Variants in ERC1 observed in about 807,000 individuals in gnomAD.
The protein encoded by ERC1 is ELKS/RAB6-interacting/CAST family member 1, also known as RAB6 interacting protein 2.
ERC1 carries 56 observed loss-of-function variants against 132.0 expected under a neutral mutation model. The observed-to-expected ratio is 0.42, with a 90% CI of 0.34 to 0.53. The LOEUF (loss-of-function observed/expected upper bound fraction) is 0.53, where lower values mean the gene tolerates loss of function less well. ERC1 is among the 20% of genes least tolerant of loss of function. The pLI, the probability that ERC1 is intolerant of heterozygous loss-of-function variation, is 0.03. For synonymous variants in ERC1, 478 were observed against 476.1 expected, an observed-to-expected ratio of 1.00 and a Z score of -0.05; for missense variants, 1,202 against 1,349.9, an observed-to-expected ratio of 0.89 and a Z score of 1.72.
chr12:1,388,473 C>T (rs1400222660), intron 16 of ERC1, among the ~76,000 whole-genome samples: 1 of 151,898 alleles, frequency 6.6e-6, no homozygotes, highest in East Asian at 1.9e-4. Flanking sequence ...CCATAGAAGG[C>T]TTCTTATTAC....
chr12:1,289,680 A>T (rs1312493657), intron 14 of ERC1, among the ~76,000 whole-genome samples, 172 bp from the exon 15 acceptor site: 1 of 152,180 alleles, frequency 6.6e-6, no homozygotes, highest in Non-Finnish European at 1.5e-5. Flanking sequence ...ATTATCTGCT[A>T]TATTGATTCT....
rs376601288 is a variant in ERC1, at chr12:1,494,190, T to A, written c.*3960T>A. The A allele has an allele frequency of 8.6e-6, 2 of 232,152 alleles. No homozygotes were observed. The highest frequency in any genetic ancestry group is 4.4e-5 in the African/African-American group (2 of 45,250). 14.4% of individuals were successfully genotyped at this position (232,152 alleles called of 1,614,324 possible). On this transcript the variant is annotated 3_prime_UTR_variant, in exon 19 of 19. Coordinates refer to ENST00000360905, the MANE Select transcript of ERC1 (RefSeq NM_178040.4). ...AGTAATTTAACATCTGCTCCTGGCCTCCTCTTCACCTGCCTGGGTTCGGAA... is the reference window on the plus strand; with the variant it reads ...AGTAATTTAACATCTGCTCCTGGCCACCTCTTCACCTGCCTGGGTTCGGAA...
intron 15 of ERC1, among the ~76,000 whole-genome samples, chr12:1,336,018 C>G (rs965407301): frequency 6.6e-6 from 1 of 152,064 alleles, no homozygotes; most frequent in African/African-American, 2.4e-5. Flanking sequence ...AGGAATTTAT[C>G]CCTTTCTTCT....
chr12:1,304,070 T>C (rs2080643759), intron 15 of ERC1, among the ~76,000 whole-genome samples: 2 of 152,034 alleles, frequency 1.3e-5, no homozygotes, highest in South Asian at 2.1e-4. Flanking sequence ...TTTTAACCTA[T>C]TTAGGGTGTG....
At chr12:1,466,325 C>A (rs548100084) in intron 18 of ERC1, among the ~76,000 whole-genome samples, 4 of 152,258 alleles carry the variant, frequency 2.6e-5, no homozygotes, top group African/African-American at 9.6e-5. Flanking sequence ...CCTCCTGTTA[C>A]AAAGATACCA....
At chr12:1,379,328 T>C (rs1338164726) in intron 16 of ERC1, among the ~76,000 whole-genome samples, 1 of 152,226 alleles carries the variant, frequency 6.6e-6, no homozygotes, top group Admixed American at 6.5e-5. Context: ...GTTCTGGTAC[T>C]GCATATCAAG....
intron 12 of ERC1, among the ~76,000 whole-genome samples, chr12:1,231,820 A>G (rs2075062269): frequency 6.6e-6 from 1 of 152,120 alleles, no homozygotes; most frequent in South Asian, 2.1e-4. Flanking sequence ...GCTCACTGCA[A>G]TCTCTGCCTC....
chr12:1,269,238 A>G (rs2077662670), intron 14 of ERC1, among the ~76,000 whole-genome samples: 1 of 152,198 alleles, frequency 6.6e-6, no homozygotes, highest in East Asian at 1.9e-4. Context: ...AGTTATGACA[A>G]AGGAACAGGT....
intron 12 of ERC1, among the ~76,000 whole-genome samples, chr12:1,190,802 C>T (rs566146873): frequency 6.6e-6 from 1 of 152,162 alleles, no homozygotes; most frequent in Non-Finnish European, 1.5e-5. Context: ...TTGTTAATTA[C>T]CTGTATTCTG....
intron 16 of ERC1, 47 bp downstream of exon 16, chr12:1,372,024 C>G (rs773808276): frequency 6.2e-7 from 1 of 1,600,170 alleles, no homozygotes; most frequent in South Asian, 1.1e-5. Context: ...AGCTTTCACA[C>G]CATTCTCCAC....
intron 2 of ERC1, among the ~76,000 whole-genome samples, chr12:1,048,120 A>G (rs1225062839): frequency 1.3e-5 from 2 of 152,178 alleles, no homozygotes; most frequent in Admixed American, 6.5e-5. Context: ...GACTTTCTCA[A>G]AGTGTTGACT....
chr12:1,301,109 T>G (rs200968876), intron 15 of ERC1, among the ~76,000 whole-genome samples: 2 of 151,822 alleles, frequency 1.3e-5, no homozygotes, highest in African/African-American at 4.8e-5. Flanking sequence ...AAAAGCCTTA[T>G]GTTCTCACTT....
chr12:1,432,967 C>T (rs929049628), intron 17 of ERC1, among the ~76,000 whole-genome samples: 5 of 152,202 alleles, frequency 3.3e-5, no homozygotes, highest in African/African-American at 1.2e-4. Context: ...ACCAGCCAAC[C>T]GCCTGCATCC....
At chr12:1,168,027 CT>C (rs1952616085) in intron 8 of ERC1, among the ~76,000 whole-genome samples, 1 of 152,088 alleles carries the variant, frequency 6.6e-6, no homozygotes, top group Non-Finnish European at 1.5e-5. Flanking sequence ...CTTTGGGCTT[CT>C]TATATACAGT....
chr12:1,022,916 C>G (rs543995544), intron 1 of ERC1, among the ~76,000 whole-genome samples: 2 of 152,280 alleles, frequency 1.3e-5, no homozygotes, highest in Admixed American at 6.5e-5. Flanking sequence ...CCGCGCCCAG[C>G]CTAGATCTGA....
chr12:1,398,694 A>C (rs1265230248), intron 16 of ERC1, among the ~76,000 whole-genome samples: 1 of 152,216 alleles, frequency 6.6e-6, no homozygotes, highest in Non-Finnish European at 1.5e-5. Flanking sequence ...TATAAAGAAC[A>C]GAAATTTATT....
chr12:1,484,178 A>AGGTG (rs2094157220), intron 18 of ERC1, among the ~76,000 whole-genome samples: 1 of 151,732 alleles, frequency 6.6e-6, no homozygotes. Flanking sequence ...GGTAGCGGGC[A>AGGTG]CCTGTAGTCC....
At chr12:1,233,109 T>G (rs939187501) in intron 12 of ERC1, among the ~76,000 whole-genome samples, 3 of 152,136 alleles carry the variant, frequency 2.0e-5, no homozygotes, top group Non-Finnish European at 2.9e-5. Flanking sequence ...AAAGGTGAAC[T>G]CTACACACAG....
At chr12:1,487,824 G>GAAAGA (rs1208072123) in intron 18 of ERC1, among the ~76,000 whole-genome samples, 1 of 148,488 alleles carries the variant, frequency 6.7e-6, no homozygotes, top group African/African-American at 2.5e-5. Context: ...GAGAGAGAGA[G>GAAAGA]AAAGAAAAGA....
Sources: allele counts gnomAD v4.1 joint callset (sites outside exome capture counted in the v4.1 genomes callset), GRCh38; gene constraint gnomAD v4.1.1; transcripts MANE v1.5; gene names NCBI Gene and HGNC (gene_info 2026-07-23, HGNC 2026-07-21).